Variants in TMEM132D observed in about 807,000 individuals in gnomAD.
The protein encoded by TMEM132D is mature OL transmembrane protein.
Under a neutral mutation model 62.3 loss-of-function variants are expected in TMEM132D, and 21 were observed. That is an observed-to-expected ratio of 0.34 (90% confidence interval 0.24 to 0.49). TMEM132D has a LOEUF of 0.49. Ranked by LOEUF, TMEM132D falls within the 20% of genes least tolerant of loss-of-function variation. TMEM132D has a pLI of 0.99. For synonymous variants in TMEM132D, 621 were observed against 575.6 expected, an observed-to-expected ratio of 1.08 and a Z score of -1.13; for missense variants, 1,346 against 1,402.8, an observed-to-expected ratio of 0.96 and a Z score of 0.65.
At chr12:129,350,394 G>A (rs1869825532) in intron 3 of TMEM132D, among the ~76,000 whole-genome samples, 1 of 152,082 alleles carries the variant, frequency 6.6e-6, no homozygotes, top group East Asian at 1.9e-4. Flanking sequence ...TAAACTTCTG[G>A]GAATAAATAG....
chr12:129,077,809 G>GCA (rs1874321872), intron 8 of TMEM132D, among the ~76,000 whole-genome samples: 1 of 150,216 alleles, frequency 6.7e-6, no homozygotes, highest in South Asian at 2.1e-4. Context: ...TACAACACAA[G>GCA]CACACATGCA....
At chr12:129,606,492 C>T (rs751538444) in intron 2 of TMEM132D, among the ~76,000 whole-genome samples, 1 of 152,072 alleles carries the variant, frequency 6.6e-6, no homozygotes, top group African/African-American at 2.4e-5. Flanking sequence ...GAGAGAGAGA[C>T]CTGGCAAGTA....
At chr12:129,350,150 A>G (rs1271683806) in intron 3 of TMEM132D, among the ~76,000 whole-genome samples, 1 of 152,228 alleles carries the variant, frequency 6.6e-6, no homozygotes, top group African/African-American at 2.4e-5. Flanking sequence ...CCTAATAGAC[A>G]TAGATAATTT....
intron 1 of TMEM132D, among the ~76,000 whole-genome samples, chr12:129,849,195 G>A (rs1010142848): frequency 2.7e-4 from 41 of 152,082 alleles, no homozygotes; most frequent in Non-Finnish European, 4.4e-5. Context: ...CTTCAGTAGT[G>A]GTCTAGTCAT....
intron 3 of TMEM132D, among the ~76,000 whole-genome samples, chr12:129,385,191 C>T (rs113686514): frequency 0.016 from 2,328 of 149,928 alleles, 66 homozygotes; most frequent in African/African-American, 0.054. Context: ...CTGCAACTTC[C>T]GCCTCCCGGG....
At chr12:129,498,219 G>A (rs1875018883) in intron 3 of TMEM132D, among the ~76,000 whole-genome samples, 1 of 150,832 alleles carries the variant, frequency 6.6e-6, no homozygotes, top group African/African-American at 2.4e-5. Flanking sequence ...AGGGGTTTAA[G>A]CTCCAAGATG....
chr12:129,323,000 A>T (rs1404733605), intron 4 of TMEM132D, among the ~76,000 whole-genome samples: 1 of 152,220 alleles, frequency 6.6e-6, no homozygotes, highest in Non-Finnish European at 1.5e-5. Context: ...AAAAATTGTC[A>T]GGAAAATAGA....
chr12:129,605,628 C>CACATATATATAT lies in TMEM132D; in HGVS notation c.969-74424_969-74423insATATATATATGT, dbSNP rs1878603953. ...ATACACACACATATATATATACACA[C>CACATATATATAT]ACACACACACACACACACAAATATA... is the stretch of plus-strand genomic sequence containing the variant. On this transcript the variant is annotated intron_variant, in intron 2 of 8. Transcript: ENST00000422113. 1.7e-4 allele frequency among the ~76,000 whole-genome samples: 19 copies of CACATATATATAT among 110,752 alleles called. No individual in the cohort carries two copies. The Admixed American group carries it at 1.8e-3, about 11-fold the overall frequency. The allele number at this position is 110,752 out of a possible 152,430, so 72.7% of individuals were successfully genotyped here.
intron 5 of TMEM132D, among the ~76,000 whole-genome samples, chr12:129,204,220 G>A (rs539701178): frequency 6.6e-6 from 1 of 152,124 alleles, no homozygotes; most frequent in African/African-American, 2.4e-5. Context: ...TTCAGAATAT[G>A]GATAGAAACA....
At chr12:129,369,178 G>A (rs535888252) in intron 3 of TMEM132D, among the ~76,000 whole-genome samples, 1 of 152,284 alleles carries the variant, frequency 6.6e-6, no homozygotes, top group Admixed American at 6.5e-5. Context: ...GAGGGCACAT[G>A]CCTCTCTCTG....
chr12:129,783,859 AG>A (rs756725130), intron 1 of TMEM132D, among the ~76,000 whole-genome samples: 38 of 152,346 alleles, frequency 2.5e-4, no homozygotes, highest in Non-Finnish European at 5.1e-4. Context: ...CCTGTGTGGC[AG>A]AAAGGGTCAC....
At chr12:129,544,853 G>A (rs1376417217) in intron 2 of TMEM132D, among the ~76,000 whole-genome samples, 1 of 152,194 alleles carries the variant, frequency 6.6e-6, no homozygotes, top group African/African-American at 2.4e-5. Context: ...AACCCACATC[G>A]GTAGTTCTCT....
intron 1 of TMEM132D, among the ~76,000 whole-genome samples, chr12:129,744,848 T>C (rs891968260): frequency 8.5e-5 from 13 of 152,186 alleles, no homozygotes; most frequent in African/African-American, 2.7e-4. Flanking sequence ...CCTACTGATA[T>C]GGTTGGGCTC....
intron 3 of TMEM132D, among the ~76,000 whole-genome samples, chr12:129,389,105 A>G (rs1871226001): frequency 7.4e-6 from 1 of 134,564 alleles, no homozygotes; most frequent in African/African-American, 2.6e-5. Flanking sequence ...ACCGACACCA[A>G]TCCAGCACTG....
intron 4 of TMEM132D, chr12:129,262,919 C>A (rs1362702573): frequency 1.3e-5 from 2 of 152,584 alleles, no homozygotes; most frequent in Non-Finnish European, 2.9e-5. Flanking sequence ...AGGAGGCTGA[C>A]AGCATGAACC....
At chr12:129,183,142 C>T (rs978313578) in intron 5 of TMEM132D, among the ~76,000 whole-genome samples, 3 of 152,172 alleles carry the variant, frequency 2.0e-5, no homozygotes, top group South Asian at 4.1e-4. Flanking sequence ...CCAAAGCGGG[C>T]CAGGCCACAT....
At chr12:129,873,102 G>C (rs2137378667) in intron 1 of TMEM132D, among the ~76,000 whole-genome samples, 1 of 152,296 alleles carries the variant, frequency 6.6e-6, no homozygotes, top group Middle Eastern at 3.4e-3. Flanking sequence ...GAAAGGTAGG[G>C]AGACGCTATG....
rs186227136 is a variant in TMEM132D at position 129,793,843 on chromosome 12, C to T, written c.80-93145G>A. On this transcript the variant is annotated intron_variant, in intron 1 of 8. Coordinates refer to ENST00000422113, the MANE Select transcript of TMEM132D (RefSeq NM_133448.3). ...CTAGTTGGCCCACATTATGTATTGT[C>T]GGTGTTCTAAAAATGCCACAGGCCT... Among the ~76,000 whole-genome samples, 3 of 152,270 alleles carry T rather than the reference C, an allele frequency of 2.0e-5. No individual in the cohort carries two copies. The East Asian group carries it at 5.8e-4, about 29-fold the overall frequency.
At chr12:129,615,670 G>A (rs1878894448) in intron 2 of TMEM132D, among the ~76,000 whole-genome samples, 1 of 151,398 alleles carries the variant, frequency 6.6e-6, no homozygotes, top group South Asian at 2.1e-4. Flanking sequence ...TACTTGGGAG[G>A]CCAGGGTGGG....
Sources: allele counts gnomAD v4.1 joint callset (sites outside exome capture counted in the v4.1 genomes callset), GRCh38; gene constraint gnomAD v4.1.1; transcripts MANE v1.5; gene names NCBI Gene and HGNC (gene_info 2026-07-23, HGNC 2026-07-21).